Variants in GTF2F2 observed in about 807,000 individuals in gnomAD.
The protein encoded by GTF2F2 is general transcription factor IIF subunit 2.
Under a neutral mutation model 42.2 loss-of-function variants are expected in GTF2F2, and 23 were observed. The observed-to-expected ratio is 0.55, with a 90% CI of 0.39 to 0.77. The LOEUF (loss-of-function observed/expected upper bound fraction) is 0.77. Among genes scored for constraint, GTF2F2 ranks in the 30% least tolerant of loss-of-function variants. The pLI is 0.00. For synonymous variants in GTF2F2, 105 were observed against 100.8 expected, an observed-to-expected ratio of 1.04 and a Z score of -0.25; for missense variants, 261 against 287.2, an observed-to-expected ratio of 0.91 and a Z score of 0.66.
At chr13:45,153,598 T>C (rs1251727720) in intron 4 of GTF2F2, among the ~76,000 whole-genome samples, 1 of 152,182 alleles carries the variant, frequency 6.6e-6, no homozygotes, top group Non-Finnish European at 1.5e-5. Context: ...TATTGCGTGC[T>C]ACATAGTTCA....
chr13:45,262,129 T>G (rs1876367691), intron 6 of GTF2F2, among the ~76,000 whole-genome samples: 1 of 152,194 alleles, frequency 6.6e-6, no homozygotes, highest in African/African-American at 2.4e-5. Flanking sequence ...TCCAGCACTT[T>G]AGGATGTCAA....
intron 7 of GTF2F2, among the ~76,000 whole-genome samples, chr13:45,275,478 G>A (rs1035218432): frequency 2.0e-4 from 23 of 117,578 alleles, no homozygotes; most frequent in African/African-American, 7.6e-4. Context: ...ACAGGCCCTA[G>A]TGTGTGATAT....
chr13:45,207,387 A>G, intron 4 of GTF2F2, 37 bp from the exon 5 acceptor site: 2 of 1,200,298 alleles, frequency 1.7e-6, no homozygotes, highest in Admixed American at 3.4e-5. Flanking sequence ...GAAAATGATA[A>G]GTATTATCTC....
chr13:45,123,683 G>A (rs1487634588), intron 1 of GTF2F2, among the ~76,000 whole-genome samples: 3 of 150,978 alleles, frequency 2.0e-5, no homozygotes, highest in African/African-American at 7.3e-5. Context: ...GGGATAAATA[G>A]TGTGTTTAGG....
At chr13:45,208,831 A>G (rs1302041728) in intron 5 of GTF2F2, among the ~76,000 whole-genome samples, 2 of 152,238 alleles carry the variant, frequency 1.3e-5, no homozygotes, top group Admixed American at 1.3e-4. Context: ...AATGAAAAAT[A>G]TTTATAACAG....
At position 45,209,613 on chromosome 13, in the gene GTF2F2, CTGTG is replaced by C. The variant is rs547558543; in HGVS notation, c.386+2113_386+2116del. On this transcript the variant is annotated intron_variant, in intron 5 of 7. Coordinates refer to ENST00000340473, the MANE Select transcript of GTF2F2 (RefSeq NM_004128.3). Reference sequence around the variant, plus strand: ...AAGACATGGGGAAGACTTTAGGGACCTGTGTGTGGTTCTGTAAGCCTGGAATGGA... The same window carrying C: ...AAGACATGGGGAAGACTTTAGGGACCTGTGGTTCTGTAAGCCTGGAATGGA... Among the ~76,000 whole-genome samples the C allele has an allele frequency of 1.7e-4, 26 of 152,178 alleles. No individual in the cohort carries two copies. The South Asian group carries it at 2.3e-3, about 13-fold the overall frequency.
intron 5 of GTF2F2, among the ~76,000 whole-genome samples, chr13:45,212,318 G>A (rs907931399): frequency 6.6e-6 from 1 of 151,876 alleles, no homozygotes; most frequent in Non-Finnish European, 1.5e-5. Flanking sequence ...TTTTACATAG[G>A]CATTATATAG....
intron 4 of GTF2F2, among the ~76,000 whole-genome samples, chr13:45,204,358 C>T (rs1365100948): frequency 2.0e-5 from 3 of 152,084 alleles, no homozygotes; most frequent in African/African-American, 7.2e-5. Context: ...CTTGCATTGT[C>T]TTTTACATAG....
chr13:45,171,925 A>C (rs1307515078), intron 4 of GTF2F2, among the ~76,000 whole-genome samples: 2 of 143,646 alleles, frequency 1.4e-5, no homozygotes, highest in Non-Finnish European at 3.0e-5. Flanking sequence ...TGTAGCATTT[A>C]TCAGTACTTA....
intron 7 of GTF2F2, among the ~76,000 whole-genome samples, chr13:45,272,108 A>T (rs941664506): frequency 6.7e-6 from 1 of 149,286 alleles, no homozygotes; most frequent in Non-Finnish European, 1.5e-5. Context: ...TAAATTTTTT[A>T]TATTTTAAAA....
At chr13:45,278,470 T>C (rs1877121049) in intron 7 of GTF2F2, among the ~76,000 whole-genome samples, 1 of 152,204 alleles carries the variant, frequency 6.6e-6, no homozygotes, top group Non-Finnish European at 1.5e-5. Context: ...ATTCAGATCT[T>C]GTGCTGCAGC....
At chr13:45,265,999 A>G (rs574055462) in intron 6 of GTF2F2, among the ~76,000 whole-genome samples, 18 of 152,362 alleles carry the variant, frequency 1.2e-4, no homozygotes, top group Admixed American at 6.5e-4. Flanking sequence ...AAATATCTCA[A>G]TTAACTAAGT....
At chr13:45,233,408 G>A (rs1161668019) in intron 5 of GTF2F2, among the ~76,000 whole-genome samples, 2 of 152,178 alleles carry the variant, frequency 1.3e-5, no homozygotes, top group Non-Finnish European at 2.9e-5. Context: ...ATGGGCACGT[G>A]TTCATTCCGA....
chr13:45,137,839 C>CTTAT (rs10541192), intron 2 of GTF2F2, among the ~76,000 whole-genome samples: 209 of 151,620 alleles, frequency 1.4e-3, no homozygotes, highest in Middle Eastern at 3.4e-3. Context: ...ACTTGTGTTC[C>CTTAT]TTATTTATTT....
chr13:45,159,141 A>G (rs928486895), intron 4 of GTF2F2, among the ~76,000 whole-genome samples: 1 of 152,206 alleles, frequency 6.6e-6, no homozygotes, highest in Non-Finnish European at 1.5e-5. Flanking sequence ...TATTCCCCAG[A>G]TAAAGTAGCA....
At chr13:45,183,720 G>T (rs1872274262) in intron 4 of GTF2F2, among the ~76,000 whole-genome samples, 1 of 152,142 alleles carries the variant, frequency 6.6e-6, no homozygotes, top group East Asian at 1.9e-4. Context: ...ATTATGTGTT[G>T]TGCGCTTTAA....
intron 5 of GTF2F2, among the ~76,000 whole-genome samples, chr13:45,235,041 CAAAAAAAAAAAAA>C (rs61077504): frequency 4.6e-4 from 20 of 43,718 alleles, no homozygotes; most frequent in East Asian, 2.3e-3. Context: ...GCGGGAAACT[CAAAAAAAAAAAAA>C]AAAAAAAAAA....
chr13:45,174,317 A>T (rs1397325175), intron 4 of GTF2F2, among the ~76,000 whole-genome samples: 2 of 152,156 alleles, frequency 1.3e-5, no homozygotes, highest in Non-Finnish European at 2.9e-5. Flanking sequence ...AGTATAGATA[A>T]TTTTTTTAAA....
intron 4 of GTF2F2, chr13:45,194,682 C>G (rs1164403341): frequency 1.1e-6 from 1 of 949,640 alleles, no homozygotes; most frequent in East Asian, 2.4e-5. Flanking sequence ...AATGGAAACG[C>G]TGGCAGCATC....
Sources: allele counts gnomAD v4.1 joint callset (sites outside exome capture counted in the v4.1 genomes callset), GRCh38; gene constraint gnomAD v4.1.1; transcripts MANE v1.5; gene names NCBI Gene and HGNC (gene_info 2026-07-23, HGNC 2026-07-21).